ADAM10: variants seen among roughly 807,000 people sequenced by gnomAD.
The protein encoded by ADAM10 is ADAM metallopeptidase domain 10.
A neutral mutation model predicts 90.1 loss-of-function variants in ADAM10; 17 were observed. The observed-to-expected ratio is 0.19, with a 90% CI of 0.13 to 0.28. ADAM10 has a LOEUF of 0.28. ADAM10 is among the 10% of genes least tolerant of loss of function. ADAM10 has a pLI of 1.00. For synonymous variants in ADAM10, 310 were observed against 298.6 expected (o/e 1.04, Z -0.40); for missense variants, 610 against 914.3 (o/e 0.67, Z 4.29).
At chr15:58,748,274 G>T (rs1899855802) in intron 1 of ADAM10, 2 of 151,948 alleles carry the variant, frequency 1.3e-5, no homozygotes, top group Admixed American at 1.3e-4. Flanking sequence ...AAGTCAAAGT[G>T]GCAAAGAAAA....
At chr15:58,671,013 C>T (rs1234758615) in intron 4 of ADAM10, among the ~76,000 whole-genome samples, 2 of 152,096 alleles carry the variant, frequency 1.3e-5, no homozygotes, top group Non-Finnish European at 2.9e-5. Flanking sequence ...TAACATATCA[C>T]CTTGATTTCA....
At chr15:58,678,378 T>C (rs1168279861) in intron 4 of ADAM10, among the ~76,000 whole-genome samples, 1 of 152,076 alleles carries the variant, frequency 6.6e-6, no homozygotes, top group South Asian at 2.1e-4. Context: ...AAAACGTATG[T>C]AGGAAGAAGC....
intron 2 of ADAM10, among the ~76,000 whole-genome samples, chr15:58,701,243 TA>T (rs1221878843): frequency 1.7e-4 from 26 of 150,994 alleles, no homozygotes; most frequent in African/African-American, 5.8e-4. Flanking sequence ...CTCAATAGTT[TA>T]AAAAAAAATC....
intron 2 of ADAM10, among the ~76,000 whole-genome samples, chr15:58,695,523 T>C (rs1391461738): frequency 1.3e-5 from 2 of 152,126 alleles, no homozygotes; most frequent in Non-Finnish European, 2.9e-5. Flanking sequence ...CAAAACAGCA[T>C]CGTCATTAAA....
rs1444917010 is a variant in ADAM10, at chr15:58,590,546, G to A, written c.*7001C>T. The A allele has an allele frequency of 1.3e-5, 2 of 152,192 alleles. No individual in the cohort carries two copies. The highest frequency in any genetic ancestry group is 2.4e-5 in the African/African-American group (1 of 41,438). 9.4% of individuals were successfully genotyped at this position (152,192 alleles called of 1,614,324 possible). A position where few individuals can be genotyped will look rare whatever the true frequency, so the allele number is the denominator to read the frequency against. ...TATGTTTCAAGGAGGAGGAAAGGAG[G>A]AGAAAGAGGAAAATGGTTAACAGGT... On this transcript the variant is annotated 3_prime_UTR_variant, in exon 16 of 16. Transcript: ENST00000260408.
At chr15:58,720,831 G>A (rs2140821513) in intron 1 of ADAM10, among the ~76,000 whole-genome samples, 1 of 152,262 alleles carries the variant, frequency 6.6e-6, no homozygotes, top group East Asian at 1.9e-4. Flanking sequence ...TCAATAATGG[G>A]GAAGAATGAG....
At chr15:58,651,102 AT>A (rs1439069971) in intron 5 of ADAM10, among the ~76,000 whole-genome samples, 3 of 151,758 alleles carry the variant, frequency 2.0e-5, no homozygotes, top group Non-Finnish European at 4.4e-5. Context: ...AAATTTTTTT[AT>A]TTTTTGTTTT....
intron 11 of ADAM10, among the ~76,000 whole-genome samples, chr15:58,613,303 T>C (rs1298940225): frequency 2.0e-5 from 3 of 151,822 alleles, no homozygotes; most frequent in Non-Finnish European, 4.4e-5. Flanking sequence ...CAGGTGAGAG[T>C]ATATCTCCAT....
chr15:58,699,658 C>T (rs1898077024), intron 2 of ADAM10, among the ~76,000 whole-genome samples: 1 of 151,852 alleles, frequency 6.6e-6, no homozygotes, highest in Non-Finnish European at 1.5e-5. Flanking sequence ...CCTTTAGTCC[C>T]AACTATGAAG....
chr15:58,749,370 C>T (rs1322185860), intron 1 of ADAM10, 110 bp downstream of exon 1: 1 of 1,211,858 alleles, frequency 8.3e-7, no homozygotes, highest in East Asian at 3.7e-5. Context: ...GCGCCGCTGG[C>T]CGGCTGGGCT....
rs572600949 is a variant in ADAM10 at position 58,621,388 on chromosome 15, T to A, written c.1511+83A>T. The A allele has an allele frequency of 9.7e-5, 150 of 1,542,340 alleles. 1 individual carries two copies. In the East Asian group the frequency reaches 3.0e-3, roughly 31 times the overall value. On this transcript the variant is annotated intron_variant, in intron 11 of 15. Transcript: ENST00000260408. ...GCAAAGTTTCAAAACCATATGCATC[T>A]CTTAATCTCAGTTTTAAATTTGTCA... is the stretch of plus-strand genomic sequence containing the variant.
chr15:58,717,502 A>T (rs1228315230), intron 2 of ADAM10, 75 bp downstream of exon 2: 1 of 1,579,698 alleles, frequency 6.3e-7, no homozygotes, highest in Non-Finnish European at 8.7e-7. Context: ...AGGAAAATTA[A>T]GGATATAAAT....
At chr15:58,630,118 T>G (rs577598049) in intron 9 of ADAM10, among the ~76,000 whole-genome samples, 1 of 152,222 alleles carries the variant, frequency 6.6e-6, no homozygotes, top group African/African-American at 2.4e-5. Flanking sequence ...CTTAACAGTA[T>G]AAAATGAGCA....
chr15:58,669,739 A>T (rs1374205046), intron 4 of ADAM10, among the ~76,000 whole-genome samples: 1 of 152,182 alleles, frequency 6.6e-6, no homozygotes, highest in African/African-American at 2.4e-5. Flanking sequence ...GTCCATTAAC[A>T]GGCAAATGTA....
chr15:58,685,208 T>A (rs1596065691), intron 2 of ADAM10, among the ~76,000 whole-genome samples: 1 of 143,174 alleles, frequency 7.0e-6, no homozygotes, highest in South Asian at 2.3e-4. Flanking sequence ...ACGCCTGTAA[T>A]CCCAGCATTT....
At chr15:58,684,530 T>C (rs891177152) in intron 2 of ADAM10, among the ~76,000 whole-genome samples, 1 of 152,236 alleles carries the variant, frequency 6.6e-6, no homozygotes, top group African/African-American at 2.4e-5. Context: ...AACAATGAGA[T>C]CTGATCAGCT....
At chr15:58,703,388 T>C (rs1179517180) in intron 2 of ADAM10, among the ~76,000 whole-genome samples, 2 of 150,172 alleles carry the variant, frequency 1.3e-5, no homozygotes, top group Non-Finnish European at 2.9e-5. Flanking sequence ...GGAACTCAGA[T>C]AGTTGCACAT....
intron 2 of ADAM10, among the ~76,000 whole-genome samples, chr15:58,714,700 T>TAA (rs1459584542): frequency 2.6e-5 from 4 of 151,924 alleles, no homozygotes; most frequent in Non-Finnish European, 5.9e-5. Flanking sequence ...AAAATAAAAA[T>TAA]AAAACATATT....
intron 1 of ADAM10, among the ~76,000 whole-genome samples, chr15:58,726,544 G>A (rs377114439): frequency 3.8e-5 from 4 of 105,122 alleles, no homozygotes; most frequent in Middle Eastern, 0.013. Context: ...CAGCCTGGGC[G>A]ACAGAGCGAG....
Sources: gnomAD v4.1 joint callset for allele counts (sites outside exome capture counted in the v4.1 genomes callset) on GRCh38, gnomAD v4.1.1 for gene constraint, MANE v1.5 for transcripts, NCBI Gene and HGNC (gene_info 2026-07-23, HGNC 2026-07-21) for gene names.